The following ADARB2 variants were observed in gnomAD, a reference collection of about 807,000 sequenced individuals.
ADARB2 encodes the protein inactive double-stranded RNA-specific editase B2.
In ADARB2, 25 loss-of-function variants were observed where a neutral mutation model predicts 62.2. The ratio of observed to expected loss-of-function variants is 0.40; its 90% confidence interval spans 0.29 to 0.56. ADARB2 has a LOEUF of 0.56. Among genes scored for constraint, ADARB2 ranks in the 20% least tolerant of loss-of-function variants. The pLI is 0.43. For missense variants in ADARB2, 1,071 were observed against 1,077.4 expected (o/e 0.99, Z 0.08); for synonymous variants, 572 against 500.8 (o/e 1.14, Z -1.90).
chr10:1,604,056 C>T (rs147425760), intron 1 of ADARB2, among the ~76,000 whole-genome samples: 4,644 of 152,168 alleles, frequency 0.031, 255 homozygotes, highest in African/African-American at 0.1. Flanking sequence ...CCACCCACCT[C>T]GGCCTCCCAA....
intron 1 of ADARB2, chr10:1,676,090 C>T: frequency 2.0e-6 from 2 of 985,302 alleles, no homozygotes; most frequent in Non-Finnish European, 2.4e-6. Flanking sequence ...GGATCCATCC[C>T]TGAAGGTTTG....
chr10:1,326,875 C>T (rs1273627785), intron 3 of ADARB2, among the ~76,000 whole-genome samples: 1 of 71,480 alleles, frequency 1.4e-5, no homozygotes, highest in Non-Finnish European at 2.9e-5. Context: ...CGCCTCCCCA[C>T]GGCACAGCGC....
At chr10:1,709,626 G>A (rs1834928321) in intron 1 of ADARB2, among the ~76,000 whole-genome samples, 1 of 152,136 alleles carries the variant, frequency 6.6e-6, no homozygotes, top group South Asian at 2.1e-4. Context: ...AAGCACAGGT[G>A]GTGACTTGAG....
chr10:1,329,735 C>T (rs2131833119), intron 3 of ADARB2, among the ~76,000 whole-genome samples: 1 of 152,200 alleles, frequency 6.6e-6, no homozygotes, highest in African/African-American at 2.4e-5. Flanking sequence ...GGCACTGGTC[C>T]CTGATTCTGG....
intron 3 of ADARB2, among the ~76,000 whole-genome samples, chr10:1,289,685 G>A (rs1008442078): frequency 1.6e-4 from 24 of 152,336 alleles, no homozygotes; most frequent in Admixed American, 6.5e-5. Flanking sequence ...TCTGCCCCTC[G>A]CTTTGGTCTA....
intron 6 of ADARB2, among the ~76,000 whole-genome samples, chr10:1,230,815 G>C (rs1362600261): frequency 2.0e-5 from 3 of 152,156 alleles, no homozygotes; most frequent in Non-Finnish European, 2.9e-5. Flanking sequence ...CAATGCAGAG[G>C]CACAGCACAG....
chr10:1,617,010 C>A (rs1308291699), intron 1 of ADARB2, among the ~76,000 whole-genome samples: 6 of 149,040 alleles, frequency 4.0e-5, no homozygotes, highest in African/African-American at 1.2e-4. Context: ...TGTTTGTGTG[C>A]CCGTCCAGAC....
At chr10:1,480,623 G>A (rs1022677061) in intron 1 of ADARB2, among the ~76,000 whole-genome samples, 1 of 150,864 alleles carries the variant, frequency 6.6e-6, no homozygotes, top group Admixed American at 6.6e-5. Context: ...GTGTGAACCT[G>A]GGAGGCGGAG....
At chr10:1,591,459 A>G (rs1385308261) in intron 1 of ADARB2, among the ~76,000 whole-genome samples, 6 of 152,222 alleles carry the variant, frequency 3.9e-5, no homozygotes, top group Non-Finnish European at 7.3e-5. Context: ...GCATCGAGAC[A>G]GTGGGGCTGC....
Position 1,678,362 on chromosome 10 carries a change from C to A in ADARB2, c.100+58689G>T, listed in dbSNP as rs886272089. The stretch of plus-strand genomic sequence containing the variant: ...GGGTGAGGGACCTCGGAGTGAGTGA[C>A]CTCGGGGTGAGCATCCTCGGGCTGA... On this transcript the variant is annotated intron_variant, in intron 1 of 9. Transcript: ENST00000381312. 48 of 984,906 alleles carry A rather than the reference C, an allele frequency of 4.9e-5. No individual in the cohort carries two copies. In the Middle Eastern group the frequency reaches 2.1e-3, roughly 43 times the overall value. The allele number at this position is 984,906 out of a possible 1,614,324, so 61.0% of individuals were successfully genotyped here.
At chr10:1,461,712 T>C (rs1831177136) in intron 1 of ADARB2, among the ~76,000 whole-genome samples, 1 of 152,082 alleles carries the variant, frequency 6.6e-6, no homozygotes, top group African/African-American at 2.4e-5. Context: ...TTTAAAGTTG[T>C]TTTTAGGCCA....
chr10:1,547,219 G>C (rs1361082957), intron 1 of ADARB2, among the ~76,000 whole-genome samples: 1 of 148,370 alleles, frequency 6.7e-6, no homozygotes, highest in Non-Finnish European at 1.5e-5. Context: ...GAGAGAGGCT[G>C]TGCAAGTCTA....
chr10:1,285,398 G>A (rs1187317746), intron 3 of ADARB2, among the ~76,000 whole-genome samples: 1 of 152,204 alleles, frequency 6.6e-6, no homozygotes, highest in African/African-American at 2.4e-5. Context: ...CCTTGGTGAT[G>A]CCCTGAGGCT....
chr10:1,721,682 T>C (rs1408078031), intron 1 of ADARB2, among the ~76,000 whole-genome samples: 1 of 152,236 alleles, frequency 6.6e-6, no homozygotes, highest in Non-Finnish European at 1.5e-5. Flanking sequence ...GAGGGCCTTG[T>C]GTGGCCTCAG....
At chr10:1,609,544 C>A (rs1219048264) in intron 1 of ADARB2, among the ~76,000 whole-genome samples, 3 of 152,254 alleles carry the variant, frequency 2.0e-5, no homozygotes, top group Non-Finnish European at 4.4e-5. Flanking sequence ...TTATGAGAAA[C>A]CTTCGGTCCT....
chr10:1,511,502 G>A (rs769488907), intron 1 of ADARB2, among the ~76,000 whole-genome samples: 10 of 152,112 alleles, frequency 6.6e-5, no homozygotes, highest in Non-Finnish European at 1.5e-4. Flanking sequence ...TGGAATGGGG[G>A]GTGGGGGCAG....
chr10:1,197,135 T>G (rs1836922152), intron 8 of ADARB2, among the ~76,000 whole-genome samples: 1 of 152,272 alleles, frequency 6.6e-6, no homozygotes, highest in South Asian at 2.1e-4. Context: ...ACTTACCATC[T>G]GGATAAAATA....
Position 1,281,762 on chromosome 10 carries a change from ACT to A in ADARB2, c.1078-10695_1078-10694del, listed in dbSNP as rs547989584. ...CTAAGCCCAGGAAACTTCCATGAGA[ACT>A]TTTTTTTCCGTTTAAAAAGCCAACC... On this transcript the variant is annotated intron_variant, in intron 3 of 9. Coordinates refer to ENST00000381312, the MANE Select transcript of ADARB2 (RefSeq NM_018702.4). 7.7e-3 allele frequency among the ~76,000 whole-genome samples: 1,165 copies of A among 152,240 alleles called. 8 individuals carry two copies. Among genetic ancestry groups the A allele is most frequent in the Middle Eastern group, 0.014 (4 of 294 alleles).
chr10:1,718,097 C>A lies in ADARB2; in HGVS notation c.100+18954G>T, dbSNP rs543822546. On this transcript the variant is annotated intron_variant, in intron 1 of 9. Coordinates refer to ENST00000381312, the MANE Select transcript of ADARB2 (RefSeq NM_018702.4). The stretch of plus-strand genomic sequence containing the variant: ...GAAGGAGGGAGGGAGGAGGAGGAAA[C>A]CAAGAGGCACAAACACAGCAGCAAC... Among the ~76,000 whole-genome samples the A allele has an allele frequency of 1.4e-4, 21 of 152,094 alleles. No individual in the cohort carries two copies. In the South Asian group the frequency reaches 4.4e-3, roughly 32 times the overall value.
Sources: gnomAD v4.1 joint callset for allele counts (sites outside exome capture counted in the v4.1 genomes callset) on GRCh38, gnomAD v4.1.1 for gene constraint, MANE v1.5 for transcripts, NCBI Gene and HGNC (gene_info 2026-07-23, HGNC 2026-07-21) for gene names.